CCDC191: variants seen among roughly 807,000 people sequenced by gnomAD.
CCDC191 encodes coiled-coil domain containing 191.
CCDC191 carries 99 observed loss-of-function variants against 114.0 expected under a neutral mutation model. That is an observed-to-expected ratio of 0.87 (90% CI 0.74 to 1.03). The LOEUF is 1.03. Among genes scored for constraint, CCDC191 ranks in the 50% least tolerant of loss-of-function variants. The pLI, the probability that CCDC191 is intolerant of heterozygous loss-of-function variation, is 0.00. For synonymous variants in CCDC191, 351 were observed against 376.0 expected, an observed-to-expected ratio of 0.93 and a Z score of 0.77; for missense variants, 973 against 1,087.0, an observed-to-expected ratio of 0.90 and a Z score of 1.47.
In CCDC191 at chr3:113,965,202, G is replaced by A; in HGVS notation, c.2764C>T (p.Gln922Ter). The A allele has an allele frequency of 6.2e-7, 1 of 1,610,728 alleles. No individual in the cohort carries two copies. Among genetic ancestry groups the A allele is most frequent in the Non-Finnish European group, 8.5e-7 (1 of 1,178,654 alleles). ...TTACTCAAGGACCAAGTATCTGATTGCTGATATAGCTCGTGGTACCTTCCA... is the reference window on the plus strand; with the variant it reads ...TTACTCAAGGACCAAGTATCTGATTACTGATATAGCTCGTGGTACCTTCCA... ...VPGRYHELYQ[Q>*]SDTWSLSKTS... Residue 922 changes from glutamine to a stop codon, truncating the protein, a stop_gained, in exon 17 of 17, where the codon CAA (glutamine) becomes TAA (stop). Coordinates refer to ENST00000295878, the MANE Select transcript of CCDC191 (RefSeq NM_020817.2). LOFTEE classifies it low-confidence loss of function (END_TRUNC).
intron 11 of CCDC191, chr3:114,004,428 C>T: frequency 8.9e-7 from 1 of 1,118,240 alleles, no homozygotes; most frequent in African/African-American, 1.6e-5. Flanking sequence ...GCTGGGAATG[C>T]CAAAAAGGTT....
At chr3:114,050,041 C>G (rs1054282284) in intron 2 of CCDC191, among the ~76,000 whole-genome samples, 1 of 152,160 alleles carries the variant, frequency 6.6e-6, no homozygotes, top group African/African-American at 2.4e-5. Context: ...ATAAACAACT[C>G]AAGGACAGTT....
At chr3:114,029,976 A>G (rs2076381444) in intron 7 of CCDC191, among the ~76,000 whole-genome samples, 1 of 152,210 alleles carries the variant, frequency 6.6e-6, no homozygotes, top group African/African-American at 2.4e-5. Context: ...GAACAGAGAA[A>G]GAACACTAGT....
chr3:113,971,963 T>C (rs1202125494), intron 16 of CCDC191, among the ~76,000 whole-genome samples: 1 of 152,160 alleles, frequency 6.6e-6, no homozygotes, highest in Non-Finnish European at 1.5e-5. Context: ...AGTTTATTGA[T>C]ATATAGGTGT....
chr3:113,983,663 ATCTG>A (rs1352292996), intron 13 of CCDC191, among the ~76,000 whole-genome samples: 1 of 152,222 alleles, frequency 6.6e-6, no homozygotes, highest in African/African-American at 2.4e-5. Context: ...CAGGGCTGTT[ATCTG>A]TCTTCTTCAT....
At position 113,964,474 on chromosome 3, in the gene CCDC191, A is replaced by T. The variant is rs544955778; in HGVS notation, c.*681T>A. 6.6e-6 allele frequency: 1 copy of T among 152,234 alleles called. No individual in the cohort carries two copies. The highest frequency in any genetic ancestry group is 1.5e-5 in the Non-Finnish European group (1 of 68,034). 9.4% of individuals were successfully genotyped at this position (152,234 alleles called of 1,614,324 possible). ...ACTGAGTGTATTATTCAGCAGTTGC[A>T]GGTGGGAGCATGAACAGATAATTTA... On this transcript the variant is annotated 3_prime_UTR_variant, in exon 17 of 17. Coordinates refer to ENST00000295878, the MANE Select transcript of CCDC191 (RefSeq NM_020817.2).
intron 9 of CCDC191, among the ~76,000 whole-genome samples, chr3:114,006,260 C>A (rs1033818019): frequency 1.3e-5 from 2 of 151,828 alleles, no homozygotes; most frequent in Non-Finnish European, 1.5e-5. Context: ...ATCAGCCTGG[C>A]CAACATGGTG....
chr3:114,053,242 T>G (rs914550101), intron 2 of CCDC191, among the ~76,000 whole-genome samples: 1 of 152,224 alleles, frequency 6.6e-6, no homozygotes, highest in Non-Finnish European at 1.5e-5. Flanking sequence ...CACCCATTAG[T>G]CCCTAGGTCA....
At chr3:114,048,618 C>A (rs2076661196) in intron 2 of CCDC191, among the ~76,000 whole-genome samples, 1 of 152,220 alleles carries the variant, frequency 6.6e-6, no homozygotes, top group African/African-American at 2.4e-5. Flanking sequence ...TCCCTCACCT[C>A]CTGAAGCCTT....
intron 13 of CCDC191, among the ~76,000 whole-genome samples, chr3:113,990,383 C>T (rs963450043): frequency 2.0e-5 from 3 of 151,774 alleles, no homozygotes; most frequent in African/African-American, 4.8e-5. Flanking sequence ...CCAAGTTTTA[C>T]TCAAGAAGAA....
At position 113,965,130 on chromosome 3, in the gene CCDC191, G is replaced by C. The variant is rs193002499; in HGVS notation, c.*25C>G. On this transcript the variant is annotated 3_prime_UTR_variant, in exon 17 of 17. Coordinates refer to ENST00000295878, the MANE Select transcript of CCDC191 (RefSeq NM_020817.2). Reference sequence around the variant, plus strand: ...CACATACAGACTAGTCGAGCTTCCTGTCCTAAATATTACACTAATCTGGCT... The same window carrying C: ...CACATACAGACTAGTCGAGCTTCCTCTCCTAAATATTACACTAATCTGGCT... 2 of 1,505,038 alleles carry C rather than the reference G, an allele frequency of 1.3e-6. No individual in the cohort carries two copies. Among genetic ancestry groups the C allele is most frequent in the Non-Finnish European group, 1.8e-6 (2 of 1,104,956 alleles). 93.2% of individuals were successfully genotyped at this position (1,505,038 alleles called of 1,614,324 possible).
intron 7 of CCDC191, among the ~76,000 whole-genome samples, chr3:114,028,275 ATTTTTTTTTTTT>A (rs920211150): frequency 7.9e-6 from 1 of 126,868 alleles, no homozygotes; most frequent in African/African-American, 2.9e-5. Context: ...AATTCTAAAA[ATTTTTTTTTTTT>A]TTTTTTTTTT....
chr3:113,990,318 C>T (rs2075514639), intron 13 of CCDC191, among the ~76,000 whole-genome samples: 1 of 151,868 alleles, frequency 6.6e-6, no homozygotes, highest in Non-Finnish European at 1.5e-5. Flanking sequence ...ACCTCTGTTC[C>T]AAGAGACTTG....
Position 114,056,477 on chromosome 3 carries a change from C to T in CCDC191, c.-11G>A. On this transcript the variant is annotated 5_prime_UTR_variant, in exon 1 of 17. Transcript: ENST00000295878. ...AGGCGCCAGGAGCATTTTCCAAGTT[C>T]GAGCCCGAACCTCGGCCAAAGCTGC... 1 of 1,614,064 alleles carries T rather than the reference C, an allele frequency of 6.2e-7. No homozygotes were observed. Among genetic ancestry groups the T allele is most frequent in the Non-Finnish European group, 8.5e-7 (1 of 1,180,010 alleles).
At chr3:114,045,930 A>G (rs1382490151) in intron 3 of CCDC191, among the ~76,000 whole-genome samples, 1 of 152,256 alleles carries the variant, frequency 6.6e-6, no homozygotes, top group Non-Finnish European at 1.5e-5. Context: ...TCTCTTGTTC[A>G]TAACCAGTAC....
chr3:114,036,748 T>TG lies in CCDC191; in HGVS notation c.453dup (p.Thr152HisfsTer12). Reference sequence around the variant, plus strand: ...AGATGGTCTATAAATTTTTGAACGGTGGTACTTTCCTCTTCTTCCTCCAAA... The same window carrying TG: ...AGATGGTCTATAAATTTTTGAACGGTGGGTACTTTCCTCTTCTTCCTCCAAA... On this transcript the variant is annotated frameshift_variant, in exon 5 of 17. Transcript: ENST00000295878. LOFTEE classifies it high-confidence loss of function. 6.3e-7 allele frequency: 1 copy of TG among 1,584,784 alleles called. No individual in the cohort carries two copies.
intron 4 of CCDC191, among the ~76,000 whole-genome samples, chr3:114,038,067 C>A (rs2107739294): frequency 6.6e-6 from 1 of 152,260 alleles, no homozygotes; most frequent in South Asian, 2.1e-4. Flanking sequence ...CTTTACATTC[C>A]CACCAGCAGT....
At chr3:114,049,928 C>T (rs2076679453) in intron 2 of CCDC191, among the ~76,000 whole-genome samples, 1 of 152,110 alleles carries the variant, frequency 6.6e-6, no homozygotes, top group Non-Finnish European at 1.5e-5. Flanking sequence ...TAGCTCTGTT[C>T]CCAGCACTGG....
chr3:114,052,950 A>C (rs775496660), intron 2 of CCDC191, among the ~76,000 whole-genome samples: 6 of 152,192 alleles, frequency 3.9e-5, no homozygotes, highest in Non-Finnish European at 7.3e-5. Context: ...TGACACGCAG[A>C]AGCACACACC....
Sources: gnomAD v4.1 joint callset for allele counts (sites outside exome capture counted in the v4.1 genomes callset) on GRCh38, gnomAD v4.1.1 for gene constraint, MANE v1.5 for transcripts, NCBI Gene and HGNC (gene_info 2026-07-23, HGNC 2026-07-21) for gene names.